PTCD3: variants seen among roughly 807,000 people sequenced by gnomAD.
PTCD3 encodes the protein small ribosomal subunit protein mS39.
A neutral mutation model predicts 101.9 loss-of-function variants in PTCD3; 89 were observed. The ratio of observed to expected loss-of-function variants is 0.87; its 90% confidence interval spans 0.74 to 1.04. PTCD3 has a LOEUF of 1.04. PTCD3 is among the 50% of genes least tolerant of loss of function. PTCD3 has a pLI of 0.00. For synonymous variants in PTCD3, 296 were observed against 278.5 expected (o/e 1.06, Z -0.63); for missense variants, 870 against 828.2 (o/e 1.05, Z -0.62).
intron 14 of PTCD3, among the ~76,000 whole-genome samples, chr2:86,129,804 A>G (rs1010013668): frequency 5.3e-5 from 8 of 152,234 alleles, no homozygotes; most frequent in Non-Finnish European, 7.3e-5. Flanking sequence ...TACTGTCATT[A>G]CAGCTTTACT....
chr2:86,137,715 T>TA lies in PTCD3; in HGVS notation c.*157dup. On this transcript the variant is annotated 3_prime_UTR_variant, in exon 24 of 24. Transcript: ENST00000254630. ...AGGTACAGTCAGTACACAGCTGACT[T>TA]ATGTAGATTTAAGCTGCTAATATGC... 1.9e-6 allele frequency: 2 copies of TA among 1,059,528 alleles called. No individual in the cohort carries two copies. The highest frequency in any genetic ancestry group is 1.5e-5 in the South Asian group (1 of 65,680). 65.6% of individuals were successfully genotyped at this position (1,059,528 alleles called of 1,614,324 possible).
At chr2:86,135,998 C>G in intron 21 of PTCD3, 1 of 519,198 alleles carries the variant, frequency 1.9e-6, no homozygotes, top group Non-Finnish European at 3.8e-6. Context: ...TTGCCTCAAT[C>G]TGAGCCTGCA....
At position 86,125,136 on chromosome 2, in the gene PTCD3, A is replaced by G. The variant is rs1674360339; in HGVS notation, c.804+54A>G. ...TCATTTCCACCGATCAGGGTGTTTC[A>G]GCCTCAGAACTACTAACATTTTGGG... On this transcript the variant is annotated intron_variant, in intron 10 of 23. Transcript: ENST00000254630. 4 of 1,598,430 alleles carry G rather than the reference A, an allele frequency of 2.5e-6. No individual in the cohort carries two copies. In the South Asian group the frequency reaches 4.5e-5, roughly 18 times the overall value.
chr2:86,115,609 G>C (rs1415563964), intron 4 of PTCD3, among the ~76,000 whole-genome samples: 1 of 152,166 alleles, frequency 6.6e-6, no homozygotes, highest in Non-Finnish European at 1.5e-5. Context: ...CCCCCTCCCT[G>C]AGGAGTCCAG....
intron 14 of PTCD3, among the ~76,000 whole-genome samples, chr2:86,128,454 A>G (rs939237966): frequency 2.0e-5 from 3 of 152,136 alleles, no homozygotes; most frequent in East Asian, 3.8e-4. Flanking sequence ...GAGCTGTGCT[A>G]TTTAACACCA....
intron 16 of PTCD3, among the ~76,000 whole-genome samples, 176 bp downstream of exon 16, chr2:86,131,282 T>A (rs1674490437): frequency 6.6e-6 from 1 of 152,092 alleles, no homozygotes; most frequent in Non-Finnish European, 1.5e-5. Flanking sequence ...GTTCACTGTG[T>A]CCCCCATGCT....
chr2:86,114,149 T>G (rs1460370452), intron 4 of PTCD3, among the ~76,000 whole-genome samples: 1 of 152,260 alleles, frequency 6.6e-6, no homozygotes, highest in Non-Finnish European at 1.5e-5. Context: ...CAATATTTTG[T>G]GCCCTTATGA....
chr2:86,138,974 G>C lies in PTCD3; in HGVS notation c.*1415G>C, dbSNP rs1420961135. The C allele has an allele frequency of 1.3e-5, 2 of 152,226 alleles. No homozygotes were observed. Among genetic ancestry groups the C allele is most frequent in the African/African-American group, 4.8e-5 (2 of 41,456 alleles). The allele number at this position is 152,226 out of a possible 1,614,324, so 9.4% of individuals were successfully genotyped here. A position where few individuals can be genotyped will look rare whatever the true frequency, so the allele number is the denominator to read the frequency against. ...GAATCACCATGTTGCTCTGCAGCTAGAGTTGATAGGAGAAAATCCATTTGG... is the reference window on the plus strand; with the variant it reads ...GAATCACCATGTTGCTCTGCAGCTACAGTTGATAGGAGAAAATCCATTTGG... On this transcript the variant is annotated 3_prime_UTR_variant, in exon 24 of 24. Transcript: ENST00000254630.
Position 86,137,554 on chromosome 2 carries a change from A to G in PTCD3, c.2065A>G (p.Lys689Glu). 1 of 1,593,636 alleles carries G rather than the reference A, an allele frequency of 6.3e-7. No individual in the cohort carries two copies. The highest frequency in any genetic ancestry group is 8.5e-7 in the Non-Finnish European group (1 of 1,173,308). ...CAGCGACAGTGACACCAGTGAAGGC[A>G]AATGAAAGTGGAGATTCAGGAGCAG... Reference protein sequence around the residue: ...SDSDSDTSEGK With the variant: ...SDSDSDTSEGE The change falls in exon 24 of 24, where the codon AAA becomes GAA. Residue 689 changes from lysine (K) to glutamate (E), a missense_variant. Lys to Glu is a moderately conservative substitution (Grantham distance 56). Transcript: ENST00000254630.
intron 3 of PTCD3, among the ~76,000 whole-genome samples, chr2:86,109,406 C>CAAA (rs5832671): frequency 2.1e-5 from 3 of 142,370 alleles, no homozygotes; most frequent in Non-Finnish European, 1.5e-5. Context: ...GACTCCATCT[C>CAAA]AAAAAAAAAA....
Position 86,120,870 on chromosome 2 carries a change from C to T in PTCD3, c.539-609C>T, listed in dbSNP as rs767675566. 2.0e-5 allele frequency among the ~76,000 whole-genome samples: 3 copies of T among 152,224 alleles called. No homozygotes were observed. The East Asian group carries it at 5.8e-4, about 29-fold the overall frequency. On this transcript the variant is annotated intron_variant, in intron 7 of 23. Coordinates refer to ENST00000254630, the MANE Select transcript of PTCD3 (RefSeq NM_017952.6). ...TGATGTCCTTGCACTCCAGCCTGGG[C>T]GACAGAATGAGACCCTATCTCAAAA...
intron 18 of PTCD3, 43 bp downstream of exon 18, chr2:86,133,299 TG>T: frequency 6.2e-7 from 1 of 1,613,612 alleles, no homozygotes; most frequent in Non-Finnish European, 8.5e-7. Context: ...CTAGATGAAT[TG>T]GGTTTCTGCA....
intron 3 of PTCD3, 173 bp downstream of exon 3, chr2:86,108,709 G>A: frequency 1.8e-6 from 1 of 552,130 alleles, no homozygotes; most frequent in Non-Finnish European, 3.2e-6. Flanking sequence ...GAAAGGTGGA[G>A]AATAGTGAGT....
In PTCD3 at chr2:86,117,113, C is replaced by T. The variant is rs1674190379; in HGVS notation, c.368C>T (p.Ser123Leu). The T allele has an allele frequency of 6.7e-7, 1 of 1,485,818 alleles. No individual in the cohort carries two copies. The highest frequency in any genetic ancestry group is 9.4e-7 in the Non-Finnish European group (1 of 1,063,450). The allele number at this position is 1,485,818 out of a possible 1,614,324, so 92.0% of individuals were successfully genotyped here. Residue 123 changes from serine to leucine, a missense_variant, in exon 6 of 24, where the codon TCA (serine) becomes TTA (leucine). Transcript: ENST00000254630. Reference sequence around the variant, plus strand: ...AATGTGGCCAAGTTTATTATTAATTCATACCCCAAATATTTTCAGAAGGAC... The same window carrying T: ...AATGTGGCCAAGTTTATTATTAATTTATACCCCAAATATTTTCAGAAGGAC... Reference protein sequence around the residue: ...GENVAKFIINSYPKYFQKDIA... With the variant: ...GENVAKFIINLYPKYFQKDIA...
intron 4 of PTCD3, among the ~76,000 whole-genome samples, chr2:86,113,679 C>T (rs991787934): frequency 1.3e-5 from 2 of 151,922 alleles, no homozygotes; most frequent in African/African-American, 2.4e-5. Context: ...TGGTAGTATG[C>T]GCCTGTAGTC....
At chr2:86,119,146 A>G (rs1674235645) in intron 7 of PTCD3, 102 bp downstream of exon 7, 1 of 1,432,918 alleles carries the variant, frequency 7.0e-7, no homozygotes, top group Non-Finnish European at 9.6e-7. Flanking sequence ...GTCCTGCTGT[A>G]CTTACTCTGC....
At chr2:86,128,441 C>G (rs1674438378) in intron 14 of PTCD3, among the ~76,000 whole-genome samples, 1 of 152,074 alleles carries the variant, frequency 6.6e-6, no homozygotes, top group South Asian at 2.1e-4. Context: ...CTTTTGTTCT[C>G]TGGAGCTGTG....
In PTCD3 at chr2:86,106,252, C is replaced by A. The variant is rs13393659; in HGVS notation, c.5C>A (p.Ala2Glu). M[A>E]VVSAVRWLGL... Reference sequence around the variant, plus strand: ...TGCTCTGCAGAGAAATCAAAGATGGCGGTTGTATCTGCTGTTCGCTGGCTG... The same window carrying A: ...TGCTCTGCAGAGAAATCAAAGATGGAGGTTGTATCTGCTGTTCGCTGGCTG... The change falls in exon 1 of 24, where the codon GCG becomes GAG. Residue 2 changes from alanine (A) to glutamate (E), a missense_variant. By Grantham distance (107) the Ala-to-Glu change is moderately radical. Coordinates refer to ENST00000254630, the MANE Select transcript of PTCD3 (RefSeq NM_017952.6). 3.1e-6 allele frequency: 5 copies of A among 1,613,786 alleles called. No homozygotes were observed. Among genetic ancestry groups the A allele is most frequent in the Non-Finnish European group, 4.2e-6 (5 of 1,179,826 alleles).
In PTCD3 at chr2:86,141,833, C is replaced by T. The variant is rs1283288123; in HGVS notation, c.*4274C>T. Reference sequence around the variant, plus strand: ...GAAAGGGTGAAGAGAAGCCTACCTGCCCTAATGGCTCAGGGCTATATCCAC... The same window carrying T: ...GAAAGGGTGAAGAGAAGCCTACCTGTCCTAATGGCTCAGGGCTATATCCAC... On this transcript the variant is annotated 3_prime_UTR_variant, in exon 24 of 24. Coordinates refer to ENST00000254630, the MANE Select transcript of PTCD3 (RefSeq NM_017952.6). 1 of 152,152 alleles carries T rather than the reference C, an allele frequency of 6.6e-6. No homozygotes were observed. 9.4% of individuals were successfully genotyped at this position (152,152 alleles called of 1,614,324 possible).
Sources: allele counts gnomAD v4.1 joint callset (sites outside exome capture counted in the v4.1 genomes callset), GRCh38; gene constraint gnomAD v4.1.1; transcripts MANE v1.5; gene names NCBI Gene and HGNC (gene_info 2026-07-23, HGNC 2026-07-21).